The following DNAH17 variants were observed in gnomAD, a reference collection of about 807,000 sequenced individuals.
DNAH17 encodes the protein dynein axonemal heavy chain 17.
In DNAH17, 376 loss-of-function variants were observed where a neutral mutation model predicts 485.6. That is an observed-to-expected ratio of 0.77 (90% CI 0.71 to 0.84). The LOEUF is 0.84. Among genes scored for constraint, DNAH17 ranks in the 40% least tolerant of loss-of-function variants. DNAH17 has a pLI of 0.00. For synonymous variants in DNAH17, 3,031 were observed against 2,405.9 expected, an observed-to-expected ratio of 1.26 and a Z score of -7.60; for missense variants, 6,370 against 5,839.3, an observed-to-expected ratio of 1.09 and a Z score of -2.96.
chr17:78,476,629 T>G lies in DNAH17; in HGVS notation c.8097A>C (p.Glu2699Asp). The G allele has an allele frequency of 6.2e-7, 1 of 1,612,166 alleles. No individual in the cohort carries two copies. Among genetic ancestry groups the G allele is most frequent in the Non-Finnish European group, 8.5e-7 (1 of 1,179,116 alleles). The change falls in exon 52 of 81, where the codon GAA becomes GAC. Residue 2699 changes from glutamate (E) to aspartate (D), a missense_variant. Transcript: ENST00000389840. Reference sequence around the variant, plus strand: ...CTCTATGCAATGTTTCCTGGTCTTTTTCGTCAACCATTTTGTCACCATACA... The same window carrying G: ...CTCTATGCAATGTTTCCTGGTCTTTGTCGTCAACCATTTTGTCACCATACA... ...ERVYGDKMVD[E>D]KDQETLHRVT... is the part of the protein sequence containing the mutation.
chr17:78,492,017 C>G (rs1012736115), intron 42 of DNAH17, among the ~76,000 whole-genome samples: 5 of 152,164 alleles, frequency 3.3e-5, no homozygotes, highest in African/African-American at 4.8e-5. Flanking sequence ...GGGAAGTGAG[C>G]TGTACATGCA....
intron 11 of DNAH17, among the ~76,000 whole-genome samples, chr17:78,562,718 A>C (rs538018826): frequency 4.6e-5 from 7 of 152,378 alleles, no homozygotes; most frequent in African/African-American, 1.4e-4. Context: ...ATACAGATAA[A>C]TGAAGAAATA....
chr17:78,464,818 C>G (rs1159722511), intron 56 of DNAH17, among the ~76,000 whole-genome samples: 1 of 152,260 alleles, frequency 6.6e-6, no homozygotes, highest in Non-Finnish European at 1.5e-5. Flanking sequence ...CTCCCTGGCA[C>G]AGGATTGCAG....
At chr17:78,468,531 G>A (rs949733164) in intron 55 of DNAH17, 86 bp downstream of exon 55, 12 of 1,470,034 alleles carry the variant, frequency 8.2e-6, no homozygotes, top group African/African-American at 1.4e-5. Flanking sequence ...CAGTCCTCCT[G>A]CTCTATGCAG....
intron 62 of DNAH17, among the ~76,000 whole-genome samples, 152 bp from the exon 63 acceptor site, chr17:78,455,988 T>C (rs1216975011): frequency 1.3e-5 from 2 of 152,132 alleles, no homozygotes; most frequent in Non-Finnish European, 2.9e-5. Flanking sequence ...TGGGAGGAAA[T>C]GCTTTAGAGA....
chr17:78,558,780 T>TC (rs1219538431), intron 13 of DNAH17, among the ~76,000 whole-genome samples: 1 of 150,494 alleles, frequency 6.6e-6, no homozygotes, highest in East Asian at 2.0e-4. Flanking sequence ...CTCTCTGCTT[T>TC]CACCCGGTTA....
At chr17:78,517,031 A>T (rs2090805137) in intron 25 of DNAH17, among the ~76,000 whole-genome samples, 2 of 152,188 alleles carry the variant, frequency 1.3e-5, no homozygotes, top group Admixed American at 6.5e-5. Context: ...GGGGAGGAAG[A>T]TTTGACAAAT....
intron 20 of DNAH17, among the ~76,000 whole-genome samples, 162 bp from the exon 21 acceptor site, chr17:78,530,674 G>A (rs1317481437): frequency 6.6e-6 from 1 of 152,194 alleles, no homozygotes; most frequent in African/African-American, 2.4e-5. Flanking sequence ...ACACATGGGG[G>A]CCCTCATTCC....
At position 78,537,473 on chromosome 17, in the gene DNAH17, G is replaced by A. The variant is rs141979513; in HGVS notation, c.2685C>T (p.Ile895=). ...CCATGCGGATCTCAAACAGGGGAGC[G>A]ATACTCTCCTGAAAGAGGGGTGGGG... The part of the protein sequence containing the change: ...LMDNMVIDES[I]APLFEIRMEL... The change falls in exon 19 of 81, where the codon ATC becomes ATT. Residue 895 remains isoleucine, a synonymous_variant. Coordinates refer to ENST00000389840, the MANE Select transcript of DNAH17 (RefSeq NM_173628.4). 44 of 1,613,128 alleles carry A rather than the reference G, an allele frequency of 2.7e-5. No homozygotes were observed. In the African/African-American group the frequency reaches 4.9e-4, roughly 18 times the overall value.
chr17:78,447,271 G>T (rs2087349841), intron 69 of DNAH17, among the ~76,000 whole-genome samples: 1 of 152,240 alleles, frequency 6.6e-6, no homozygotes, highest in African/African-American at 2.4e-5. Flanking sequence ...TGTGAATGCT[G>T]ATGTACAGGA....
intron 16 of DNAH17, among the ~76,000 whole-genome samples, chr17:78,546,247 AG>A (rs2091760506): frequency 6.6e-6 from 1 of 152,222 alleles, no homozygotes; most frequent in African/African-American, 2.4e-5. Context: ...CATCTTTTAA[AG>A]GTCAAAAATG....
chr17:78,471,203 C>T (rs1008694183), intron 54 of DNAH17, among the ~76,000 whole-genome samples: 3 of 152,248 alleles, frequency 2.0e-5, no homozygotes, highest in Non-Finnish European at 2.9e-5. Context: ...CCTGAAATCT[C>T]TCTGTTCAGA....
At chr17:78,561,587 G>T in intron 12 of DNAH17, 128 bp downstream of exon 12, 1 of 1,183,974 alleles carries the variant, frequency 8.4e-7, no homozygotes, top group Non-Finnish European at 1.1e-6. Flanking sequence ...TCTCTTCTGG[G>T]CTTTTGCTCT....
At chr17:78,469,904 G>T (rs551577557) in intron 54 of DNAH17, among the ~76,000 whole-genome samples, 2 of 152,268 alleles carry the variant, frequency 1.3e-5, no homozygotes, top group Admixed American at 1.3e-4. Flanking sequence ...AATGGAGGTT[G>T]CCAGGGGCGG....
At chr17:78,430,382 C>G (rs183377128) in intron 75 of DNAH17, among the ~76,000 whole-genome samples, 39 of 152,324 alleles carry the variant, frequency 2.6e-4, no homozygotes, top group African/African-American at 9.1e-4. Context: ...CAGCTTCTTC[C>G]TGCTTCCGCA....
At chr17:78,543,714 T>C (rs967185665) in intron 17 of DNAH17, 143 bp downstream of exon 17, 2 of 1,267,400 alleles carry the variant, frequency 1.6e-6, no homozygotes, top group African/African-American at 2.9e-5. Flanking sequence ...TGAGAGCCAC[T>C]GCATCCAGCC....
intron 16 of DNAH17, among the ~76,000 whole-genome samples, chr17:78,547,781 C>G (rs2091804551): frequency 6.6e-6 from 1 of 152,128 alleles, no homozygotes; most frequent in African/African-American, 2.4e-5. Flanking sequence ...CCACACCTGG[C>G]TCCTTTTTGT....
intron 52 of DNAH17, among the ~76,000 whole-genome samples, chr17:78,476,351 T>C (rs927370517): frequency 1.5e-4 from 14 of 91,844 alleles, no homozygotes; most frequent in Admixed American, 4.1e-4. Flanking sequence ...GCCGGAGTTA[T>C]CGCGTGGAAC....
In DNAH17 at chr17:78,510,475, AG is replaced by A; in HGVS notation, c.4144del (p.Leu1382TrpfsTer7). On this transcript the variant is annotated frameshift_variant, in exon 27 of 81. Coordinates refer to ENST00000389840, the MANE Select transcript of DNAH17 (RefSeq NM_173628.4). LOFTEE classifies it high-confidence loss of function. ...VKFKMSEETT[L>X]ADLLQLNLHS... ...GAGGTTCAGCTGCAGTAAATCTGCC[AG>A]GGTCGTCTCTTCTGACATTTTAAAT... 3 of 1,613,904 alleles carry A rather than the reference AG, an allele frequency of 1.9e-6. No individual in the cohort carries two copies. Among genetic ancestry groups the A allele is most frequent in the Non-Finnish European group, 2.5e-6 (3 of 1,179,830 alleles).
Sources: gnomAD v4.1 joint callset for allele counts (sites outside exome capture counted in the v4.1 genomes callset) on GRCh38, gnomAD v4.1.1 for gene constraint, MANE v1.5 for transcripts, NCBI Gene and HGNC (gene_info 2026-07-23, HGNC 2026-07-21) for gene names.